HECW1: variants seen among roughly 807,000 people sequenced by gnomAD.
HECW1 encodes the protein HECT, C2 and WW domain containing E3 ubiquitin protein ligase 1, also known as E3 ubiquitin-protein ligase HECW1.
Under a neutral mutation model 182.3 loss-of-function variants are expected in HECW1, and 61 were observed. The observed-to-expected ratio is 0.33, with a 90% CI of 0.27 to 0.41. The LOEUF (loss-of-function observed/expected upper bound fraction) is 0.41, where lower values mean the gene tolerates loss of function less well. Among genes scored for constraint, HECW1 ranks in the 10% least tolerant of loss-of-function variants. The pLI, the probability that HECW1 is intolerant of heterozygous loss-of-function variation, is 1.00. For synonymous variants in HECW1, 859 were observed against 832.6 expected, an observed-to-expected ratio of 1.03 and a Z score of -0.55; for missense variants, 1,739 against 2,108.9, an observed-to-expected ratio of 0.82 and a Z score of 3.44.
intron 3 of HECW1, among the ~76,000 whole-genome samples, chr7:43,268,133 C>T (rs1801989997): frequency 6.6e-6 from 1 of 152,248 alleles, no homozygotes; most frequent in Non-Finnish European, 1.5e-5. Flanking sequence ...CTCTAAAGTG[C>T]AAGAGACTCT....
At chr7:43,306,798 A>G (rs910236438) in intron 3 of HECW1, among the ~76,000 whole-genome samples, 4 of 152,136 alleles carry the variant, frequency 2.6e-5, no homozygotes, top group African/African-American at 9.7e-5. Context: ...AAAAAAATCC[A>G]TGCATAATAA....
At chr7:43,198,058 C>A (rs1300284558) in intron 2 of HECW1, among the ~76,000 whole-genome samples, 1 of 151,154 alleles carries the variant, frequency 6.6e-6, no homozygotes, top group African/African-American at 2.5e-5. Context: ...TAGTCACACA[C>A]CCCACACACA....
Position 43,360,761 on chromosome 7 carries a change from G to T in HECW1, c.461-125G>T, listed in dbSNP as rs755486927. The T allele has an allele frequency of 7.0e-6, 5 of 718,892 alleles. No individual in the cohort carries two copies. The Admixed American group carries it at 8.3e-5, about 12-fold the overall frequency. 44.5% of individuals were successfully genotyped at this position (718,892 alleles called of 1,614,324 possible). On this transcript the variant is annotated intron_variant, in intron 5 of 29. Transcript: ENST00000395891. ...AGGCCACATGAGGAGCATCATTGTC[G>T]AGTGTGGCCTGGCTTGCTCGTGGGG...
chr7:43,369,474 AAAAAT>A (rs576248759), intron 6 of HECW1, among the ~76,000 whole-genome samples: 47 of 152,298 alleles, frequency 3.1e-4, no homozygotes, highest in Admixed American at 1.7e-3. Context: ...AAAAAAATAA[AAAAAT>A]AAAGAGACAA....
At chr7:43,325,741 C>T (rs1810675738) in intron 5 of HECW1, among the ~76,000 whole-genome samples, 1 of 152,140 alleles carries the variant, frequency 6.6e-6, no homozygotes, top group African/African-American at 2.4e-5. Context: ...CAGTCAGCAC[C>T]ACTCATCCCG....
intron 24 of HECW1, among the ~76,000 whole-genome samples, chr7:43,526,399 T>C (rs1205099855): frequency 6.6e-6 from 1 of 152,242 alleles, no homozygotes; most frequent in Non-Finnish European, 1.5e-5. Flanking sequence ...GTTAGCACAG[T>C]GCCTTGCAGA....
intron 5 of HECW1, among the ~76,000 whole-genome samples, chr7:43,329,720 T>A (rs1350042688): frequency 1.3e-5 from 2 of 151,874 alleles, no homozygotes; most frequent in Non-Finnish European, 2.9e-5. Flanking sequence ...GGACACGGCG[T>A]GCTAAGGAGA....
At chr7:43,388,049 G>C (rs145787833) in intron 6 of HECW1, among the ~76,000 whole-genome samples, 6 of 152,316 alleles carry the variant, frequency 3.9e-5, no homozygotes, top group Non-Finnish European at 8.8e-5. Context: ...TGATGCAAAA[G>C]AAAACTGAGC....
At chr7:43,133,140 C>G (rs1463254862) in intron 2 of HECW1, among the ~76,000 whole-genome samples, 1 of 152,010 alleles carries the variant, frequency 6.6e-6, no homozygotes, top group East Asian at 1.9e-4. Flanking sequence ...ACTATCTTTA[C>G]AGCCTTCAAA....
chr7:43,295,424 T>G (rs1293810650), intron 3 of HECW1, among the ~76,000 whole-genome samples: 1 of 152,240 alleles, frequency 6.6e-6, no homozygotes, highest in Non-Finnish European at 1.5e-5. Flanking sequence ...TTTAAAGTCC[T>G]GAGATTTATT....
At chr7:43,535,931 C>A (rs990849530) in intron 24 of HECW1, among the ~76,000 whole-genome samples, 1 of 151,956 alleles carries the variant, frequency 6.6e-6, no homozygotes, top group African/African-American at 2.4e-5. Flanking sequence ...TTGATGATAC[C>A]AAAAACAAAA....
chr7:43,316,717 A>G (rs1005508469), intron 4 of HECW1, among the ~76,000 whole-genome samples: 1 of 119,266 alleles, frequency 8.4e-6, no homozygotes, highest in African/African-American at 3.1e-5. Flanking sequence ...TGAGGTGGAG[A>G]GTGTGGCTTG....
At position 43,114,251 on chromosome 7, in the gene HECW1, C is replaced by T. The variant is rs1784865544; in HGVS notation, c.-172C>T. On this transcript the variant is annotated 5_prime_UTR_variant, in exon 2 of 30. It adds an upstream start codon to the 5' untranslated region. Coordinates refer to ENST00000395891, the MANE Select transcript of HECW1 (RefSeq NM_015052.5). Reference sequence around the variant, plus strand: ...CTTCTCTCTTTTCCTGGGATTTAAACGCGATTTAGGAGGGCAGATGCCCTA... The same window carrying T: ...CTTCTCTCTTTTCCTGGGATTTAAATGCGATTTAGGAGGGCAGATGCCCTA... 7.3e-7 allele frequency: 1 copy of T among 1,362,646 alleles called. No homozygotes were observed. The highest frequency in any genetic ancestry group is 2.2e-5 in the Admixed American group (1 of 45,370). 84.4% of individuals were successfully genotyped at this position (1,362,646 alleles called of 1,614,324 possible).
chr7:43,437,375 C>T (rs765807702), intron 8 of HECW1, among the ~76,000 whole-genome samples: 4 of 152,158 alleles, frequency 2.6e-5, no homozygotes, highest in Non-Finnish European at 4.4e-5. Context: ...GTTAGTAATG[C>T]TCCAATAAAC....
intron 2 of HECW1, among the ~76,000 whole-genome samples, chr7:43,235,346 A>G (rs952842293): frequency 2.0e-5 from 3 of 152,236 alleles, no homozygotes; most frequent in Non-Finnish European, 4.4e-5. Flanking sequence ...CAGACCAGGA[A>G]AAGTGTTTAA....
At chr7:43,470,330 A>C (rs1017519717) in intron 16 of HECW1, among the ~76,000 whole-genome samples, 1 of 152,230 alleles carries the variant, frequency 6.6e-6, no homozygotes, top group African/African-American at 2.4e-5. Context: ...TTGCTTAACC[A>C]GGATGCCAAG....
intron 3 of HECW1, among the ~76,000 whole-genome samples, chr7:43,276,167 A>G (rs1422681796): frequency 6.6e-6 from 1 of 152,172 alleles, no homozygotes; most frequent in Non-Finnish European, 1.5e-5. Flanking sequence ...GTAAGAAATG[A>G]TCTTACATAA....
intron 6 of HECW1, among the ~76,000 whole-genome samples, chr7:43,389,087 C>T (rs2074916223): frequency 6.6e-6 from 1 of 152,098 alleles, no homozygotes; most frequent in Admixed American, 6.5e-5. Flanking sequence ...CCTGTGTGGC[C>T]AAGGGGTCGC....
chr7:43,129,914 G>A (rs1291647986), intron 2 of HECW1, among the ~76,000 whole-genome samples: 1 of 152,168 alleles, frequency 6.6e-6, no homozygotes, highest in Non-Finnish European at 1.5e-5. Flanking sequence ...GTAAATAGGG[G>A]TTATATTGTT....
Sources: allele counts gnomAD v4.1 joint callset (sites outside exome capture counted in the v4.1 genomes callset), GRCh38; gene constraint gnomAD v4.1.1; transcripts MANE v1.5; gene names NCBI Gene and HGNC (gene_info 2026-07-23, HGNC 2026-07-21).